Variants in EP400 observed in about 807,000 individuals in gnomAD.
EP400 encodes E1A-binding protein p400.
A neutral mutation model predicts 354.1 loss-of-function variants in EP400; 105 were observed. That is an observed-to-expected ratio of 0.30 (90% confidence interval 0.25 to 0.35). The LOEUF (loss-of-function observed/expected upper bound fraction) is 0.35, where lower values mean the gene tolerates loss of function less well. Among genes scored for constraint, EP400 ranks in the 10% least tolerant of loss-of-function variants. The pLI, the probability that EP400 is intolerant of heterozygous loss-of-function variation, is 1.00. For synonymous variants in EP400, 1,646 were observed against 1,716.9 expected (o/e 0.96, Z 1.02); for missense variants, 3,280 against 4,121.0 (o/e 0.80, Z 5.59).
At chr12:131,974,185 G>A (rs1045318590) in intron 2 of EP400, among the ~76,000 whole-genome samples, 1 of 151,838 alleles carries the variant, frequency 6.6e-6, no homozygotes, top group African/African-American at 2.4e-5. Flanking sequence ...CACCACGTTG[G>A]CCAGCATGGT....
At position 132,017,688 on chromosome 12, in the gene EP400, A is replaced by G. The variant is rs746333409; in HGVS notation, c.4077A>G (p.Leu1359=). The G allele has an allele frequency of 4.5e-6, 7 of 1,555,106 alleles. No homozygotes were observed. Among genetic ancestry groups the G allele is most frequent in the South Asian group, 1.2e-5 (1 of 83,014 alleles). Residue 1359 remains leucine, a synonymous_variant, in exon 20 of 53, where the codon CTA becomes CTG. Transcript: ENST00000389561. This position sits in a 1 kb window ranked among gnomAD's most constrained non-coding sequence, Gnocchi z 5.0. ...AGPLEYPSAS[L]ILKALERDFW... ...CACTGGAGTATCCGTCCGCATCTCT[A>G]ATCCTGAAGGCACTGGAGAGAGATT...
At chr12:132,011,349 C>G (rs1290530281) in intron 15 of EP400, 149 bp from the exon 16 acceptor site, 10 of 953,396 alleles carry the variant, frequency 1.0e-5, no homozygotes, top group Non-Finnish European at 1.6e-5. Context: ...CAGATGAATG[C>G]ACTTGTTCCC....
rs1026112115 is a variant in EP400, at chr12:132,017,128, C to T, written c.3924-407C>T. On this transcript the variant is annotated intron_variant, in intron 19 of 52. Transcript: ENST00000389561. This position sits in a 1 kb window ranked among gnomAD's most constrained non-coding sequence, Gnocchi z 5.0. ...ATGGACCTGGGTCCTCGTCTACCCC[C>T]GCTCACTGCCTGCAGGGCCAGTGTA... Among the ~76,000 whole-genome samples, 1 of 152,240 alleles carries T rather than the reference C, an allele frequency of 6.6e-6. No individual in the cohort carries two copies. The highest frequency in any genetic ancestry group is 1.5e-5 in the Non-Finnish European group (1 of 68,052).
At chr12:132,043,616 C>A in intron 33 of EP400, 29 bp from the exon 34 acceptor site, 1 of 1,590,872 alleles carries the variant, frequency 6.3e-7, no homozygotes, top group South Asian at 1.2e-5. Context: ...TGCTATTAAC[C>A]CTATTCAAAA....
rs774470432 is a variant in EP400, at chr12:132,055,106, G to T, written c.7782G>T (p.Val2594=). The stretch of plus-strand genomic sequence containing the variant: ...GCCCGCCTGTCTCCGCAGGTGCCGT[G>T]AGTGGAAATGTGATCGTGAACACCA... ...VTGTSMPTGA[V]SGNVIVNTIA... The change falls in exon 45 of 53, where the codon GTG becomes GTT. Residue 2594 remains valine, a synonymous_variant. Coordinates refer to ENST00000389561, the MANE Select transcript of EP400 (RefSeq NM_015409.5). The T allele has an allele frequency of 6.2e-7, 1 of 1,613,764 alleles. No individual in the cohort carries two copies. The highest frequency in any genetic ancestry group is 1.3e-5 in the African/African-American group (1 of 74,956).
At chr12:132,064,552 C>A in intron 47 of EP400, 116 bp from the exon 48 acceptor site, 1 of 1,368,942 alleles carries the variant, frequency 7.3e-7, no homozygotes, top group Non-Finnish European at 9.8e-7. Context: ...TGCACGGTAG[C>A]AGGTGTCTGC....
chr12:131,971,505 G>GGGT (rs1334766522), intron 2 of EP400, among the ~76,000 whole-genome samples: 2 of 152,120 alleles, frequency 1.3e-5, no homozygotes, highest in African/African-American at 2.4e-5. Flanking sequence ...CCCAGAAGTG[G>GGGT]GGTTGCTGGA....
At chr12:132,033,842 T>A (rs908961504) in intron 30 of EP400, among the ~76,000 whole-genome samples, 1 of 152,238 alleles carries the variant, frequency 6.6e-6, no homozygotes, top group African/African-American at 2.4e-5. Context: ...AACCATTTGT[T>A]TTTTAACAAG....
intron 51 of EP400, among the ~76,000 whole-genome samples, chr12:132,073,957 C>G (rs1409812228): frequency 2.0e-5 from 2 of 102,332 alleles, no homozygotes; most frequent in African/African-American, 8.3e-5. Context: ...GAGACGGAGG[C>G]TCACTCTCCC....
At position 131,979,211 on chromosome 12, in the gene EP400, C is replaced by T. The variant is rs928303221; in HGVS notation, c.1336-483C>T. Among the ~76,000 whole-genome samples the T allele has an allele frequency of 3.9e-5, 3 of 76,428 alleles. No homozygotes were observed. The Admixed American group carries it at 4.2e-4, about 11-fold the overall frequency. The allele number at this position is 76,428 out of a possible 152,430, so 50.1% of individuals were successfully genotyped here. A position where few individuals can be genotyped will look rare whatever the true frequency, so the allele number is the denominator to read the frequency against. ...TGGGTGACAGAGCGAGACTCCGTCTCAAAAAAAAAAAAAAAAGATCTAAAT... is the reference window on the plus strand; with the variant it reads ...TGGGTGACAGAGCGAGACTCCGTCTTAAAAAAAAAAAAAAAAGATCTAAAT... On this transcript the variant is annotated intron_variant, in intron 2 of 52. Transcript: ENST00000389561.
chr12:132,018,013 C>T lies in EP400; in HGVS notation c.4111-197C>T, dbSNP rs753538237. Among the ~76,000 whole-genome samples, 1 of 152,212 alleles carries T rather than the reference C, an allele frequency of 6.6e-6. No individual in the cohort carries two copies. The highest frequency in any genetic ancestry group is 1.5e-5 in the Non-Finnish European group (1 of 68,044). ...GCTGTGAGAAGTAGCTGAGCATGCA[C>T]GCTCATCAGCAGAGCTTCACCAAGG... is the stretch of plus-strand genomic sequence containing the variant. On this transcript the variant is annotated intron_variant, in intron 20 of 52. Coordinates refer to ENST00000389561, the MANE Select transcript of EP400 (RefSeq NM_015409.5). The surrounding 1 kb of genome is among the most constrained non-coding windows in gnomAD (Gnocchi z 4.0).
chr12:132,028,098 T>C lies in EP400; in HGVS notation c.5191T>C (p.Tyr1731His). The change falls in exon 27 of 53, where the codon TAT becomes CAT. Residue 1731 changes from tyrosine to histidine, a missense_variant. By Grantham distance (83) the Tyr-to-His change is moderately conservative. Around this residue, in one of 20 missense-constraint regions of EP400, gnomAD observed 459 missense variants for 496.9 expected, o/e 0.92. Coordinates refer to ENST00000389561, the MANE Select transcript of EP400 (RefSeq NM_015409.5). ...NERRCSQAPV[Y>H]GRDLLRICAL... is the part of the protein sequence containing the mutation. Reference sequence around the variant, plus strand: ...GCGGCGCTGTTCTCAAGCTCCAGTCTATGGCAGAGACTTGCTAAGGATTTG... The same window carrying C: ...GCGGCGCTGTTCTCAAGCTCCAGTCCATGGCAGAGACTTGCTAAGGATTTG... The C allele has an allele frequency of 6.2e-7, 1 of 1,614,204 alleles. No homozygotes were observed. The highest frequency in any genetic ancestry group is 8.5e-7 in the Non-Finnish European group (1 of 1,180,034).
chr12:132,050,690 T>G lies in EP400; in HGVS notation c.7394+35T>G. ...TATTCGTGACACATTTGTTACTGTT[T>G]GGAAGGATTTCATTCCAGTGTCATC... On this transcript the variant is annotated intron_variant, in intron 41 of 52. Transcript: ENST00000389561. This position sits in a 1 kb window ranked among gnomAD's most constrained non-coding sequence, Gnocchi z 4.8. The G allele has an allele frequency of 6.2e-7, 1 of 1,613,396 alleles. No individual in the cohort carries two copies. The highest frequency in any genetic ancestry group is 8.5e-7 in the Non-Finnish European group (1 of 1,179,352).
chr12:132,066,539 A>G, intron 48 of EP400: 1 of 514,660 alleles, frequency 1.9e-6, no homozygotes, highest in Non-Finnish European at 3.4e-6. Flanking sequence ...TGAACGCAGC[A>G]GCATGTGTGA....
At chr12:132,009,422 G>T (rs917400419) in intron 15 of EP400, among the ~76,000 whole-genome samples, 1 of 152,154 alleles carries the variant, frequency 6.6e-6, no homozygotes, top group Non-Finnish European at 1.5e-5. Flanking sequence ...CTTGAAATGG[G>T]CTAATGACCC....
In EP400 at chr12:132,045,858, G is replaced by T; in HGVS notation, c.7158G>T (p.Arg2386=). ...TCTACCGCTCTTCCAAACAGTGCCG[G>T]AATCGCTACGAGAATGTCATCATTC... ...SRIYRSSKQC[R]NRYENVIIPR... Residue 2386 remains arginine, a synonymous_variant, in exon 39 of 53, where the codon CGG becomes CGT. Coordinates refer to ENST00000389561, the MANE Select transcript of EP400 (RefSeq NM_015409.5). The T allele has an allele frequency of 1.2e-6, 2 of 1,614,232 alleles. No individual in the cohort carries two copies. Among genetic ancestry groups the T allele is most frequent in the Non-Finnish European group, 1.7e-6 (2 of 1,180,038 alleles).
chr12:132,042,911 CCTG>C (rs1894962386), intron 32 of EP400, among the ~76,000 whole-genome samples: 1 of 152,246 alleles, frequency 6.6e-6, no homozygotes, highest in South Asian at 2.1e-4. Context: ...CAGCCTCTGT[CCTG>C]CTGTGTCTGT....
At chr12:131,957,665 G>T (rs547648775) in intron 1 of EP400, among the ~76,000 whole-genome samples, 1 of 151,632 alleles carries the variant, frequency 6.6e-6, no homozygotes, top group South Asian at 2.1e-4. Flanking sequence ...GCTCAGTCTC[G>T]GCTCACTGCA....
At chr12:131,974,825 T>G (rs1892414031) in intron 2 of EP400, among the ~76,000 whole-genome samples, 1 of 151,642 alleles carries the variant, frequency 6.6e-6, no homozygotes, top group South Asian at 2.1e-4. Flanking sequence ...CCATCTGTAC[T>G]TAAAAATACA....
Sources: gnomAD v4.1 joint callset for allele counts (sites outside exome capture counted in the v4.1 genomes callset) on GRCh38, gnomAD v4.1.1 for gene constraint, gnomAD v4.1.1 regional missense constraint, Gnocchi (gnomAD v3.1) non-coding constraint, MANE v1.5 for transcripts, NCBI Gene and HGNC (gene_info 2026-07-23, HGNC 2026-07-21) for gene names.